Variants in RBM20 observed in about 807,000 individuals in gnomAD.
RBM20 encodes the protein RNA binding motif protein 20.
RBM20 carries 51 observed loss-of-function variants against 110.1 expected under a neutral mutation model. The ratio of observed to expected loss-of-function variants is 0.46; its 90% CI spans 0.37 to 0.59. The LOEUF (loss-of-function observed/expected upper bound fraction) is 0.59. Among genes scored for constraint, RBM20 ranks in the 20% least tolerant of loss-of-function variants. RBM20 has a pLI of 0.00. For synonymous variants in RBM20, 589 were observed against 618.2 expected, an observed-to-expected ratio of 0.95 and a Z score of 0.70; for missense variants, 1,512 against 1,574.9, an observed-to-expected ratio of 0.96 and a Z score of 0.68.
At position 110,823,628 on chromosome 10, in the gene RBM20, A is replaced by T; in HGVS notation, c.3451+14A>T. 1 of 1,550,962 alleles carries T rather than the reference A, an allele frequency of 6.4e-7. No individual in the cohort carries two copies. The highest frequency in any genetic ancestry group is 8.7e-7 in the Non-Finnish European group (1 of 1,146,710). ...GCATTCCTCTAGGTAAGCAAAACAC[A>T]CAGTCTTTCCTGAAATTCAGGTCTA... On this transcript the variant is annotated intron_variant, in intron 12 of 13. Coordinates refer to ENST00000369519, the MANE Select transcript of RBM20 (RefSeq NM_001134363.3).
chr10:110,821,622 C>G lies in RBM20; in HGVS notation c.3003C>G (p.Gly1001=), dbSNP rs1590701744. The change falls in exon 11 of 14, where the codon GGC becomes GGG. Residue 1001 remains glycine, a synonymous_variant. Coordinates refer to ENST00000369519, the MANE Select transcript of RBM20 (RefSeq NM_001134363.3). Reference sequence around the variant, plus strand: ...GTGACATGGACGTGGAAATGCCTGGCCTAAATCTGGATGCTGAGCGGAAGC... The same window carrying G: ...GTGACATGGACGTGGAAATGCCTGGGCTAAATCTGGATGCTGAGCGGAAGC... ...CPSDMDVEMP[G]LNLDAERKPA... is the part of the protein sequence containing the mutation. 4 of 1,551,664 alleles carry G rather than the reference C, an allele frequency of 2.6e-6. No individual in the cohort carries two copies. Among genetic ancestry groups the G allele is most frequent in the East Asian group, 2.4e-5 (1 of 40,916 alleles).
intron 5 of RBM20, among the ~76,000 whole-genome samples, chr10:110,785,492 G>C (rs1351779199): frequency 6.6e-6 from 1 of 151,990 alleles, no homozygotes; most frequent in Admixed American, 6.6e-5. Context: ...GGAGGCAAAG[G>C]TTGCAGTGAG....
chr10:110,665,235 T>A (rs1862159899), intron 1 of RBM20, among the ~76,000 whole-genome samples: 1 of 152,178 alleles, frequency 6.6e-6, no homozygotes, highest in Non-Finnish European at 1.5e-5. Context: ...TATTAGCATT[T>A]TGCAACCCCT....
intron 1 of RBM20, among the ~76,000 whole-genome samples, chr10:110,701,331 A>T (rs1862755145): frequency 6.6e-6 from 1 of 152,146 alleles, no homozygotes. Flanking sequence ...GCTTAACTGA[A>T]AATCTCCAAG....
At chr10:110,667,902 G>T (rs1357012883) in intron 1 of RBM20, among the ~76,000 whole-genome samples, 1 of 152,160 alleles carries the variant, frequency 6.6e-6, no homozygotes, top group East Asian at 1.9e-4. Context: ...GGGTGTGAGT[G>T]AGTGGTGCAG....
intron 1 of RBM20, among the ~76,000 whole-genome samples, chr10:110,714,666 G>A (rs906185254): frequency 1.3e-5 from 2 of 152,238 alleles, no homozygotes; most frequent in African/African-American, 4.8e-5. Flanking sequence ...CCCAACAGGA[G>A]TCACCAGTAG....
At chr10:110,796,513 G>T (rs925963867) in intron 5 of RBM20, among the ~76,000 whole-genome samples, 1 of 152,184 alleles carries the variant, frequency 6.6e-6, no homozygotes, top group South Asian at 2.1e-4. Context: ...TATCACCAAG[G>T]TGAGAGAATC....
Position 110,821,788 on chromosome 10 carries a change from C to T in RBM20, c.3169C>T (p.Arg1057Trp), listed in dbSNP as rs199830512. ...CCCTAAGCCAGCAGAGGAGAGGGCC[C>T]GGCAGCCAAGCCCATTTGTGGATGA... ...SSPKPAEERA[R>W]QPSPFVDDCK... is the part of the protein sequence containing the mutation. The change falls in exon 11 of 14, where the codon CGG (arginine) becomes TGG (tryptophan). Residue 1057 changes from arginine (R) to tryptophan (W), a missense_variant. Physicochemically the swap from Arg to Trp is moderately radical, Grantham distance 101 (BLOSUM62 -3). Coordinates refer to ENST00000369519, the MANE Select transcript of RBM20 (RefSeq NM_001134363.3). 41 of 1,551,600 alleles carry T rather than the reference C, an allele frequency of 2.6e-5. No homozygotes were observed. Among genetic ancestry groups the T allele is most frequent in the Admixed American group, 2.4e-4 (12 of 50,992 alleles).
intron 7 of RBM20, among the ~76,000 whole-genome samples, chr10:110,805,429 G>A (rs1188493969): frequency 6.6e-6 from 1 of 152,178 alleles, no homozygotes; most frequent in Admixed American, 6.5e-5. Flanking sequence ...CATCTAGAAG[G>A]TTTCAGTGTC....
At chr10:110,676,723 A>T (rs567980297) in intron 1 of RBM20, among the ~76,000 whole-genome samples, 1 of 152,270 alleles carries the variant, frequency 6.6e-6, no homozygotes, top group Admixed American at 6.5e-5. Flanking sequence ...GTTGTGACAA[A>T]CCTATTTGTT....
At position 110,821,276 on chromosome 10, in the gene RBM20, A is replaced by G. The variant is rs1208328652; in HGVS notation, c.2657A>G (p.Glu886Gly). ...CCTCCATTCTGCATTTTTGTACAGG[A>G]ACAAGATTGGGAGAGTGAAAGTGAG... ...SDPENTRTKK[E>G]QDWESESEAE... Residue 886 changes from glutamate (E) to glycine (G), a missense_variant and splice_region_variant, in exon 11 of 14, where the codon GAA (glutamate) becomes GGA (glycine). Coordinates refer to ENST00000369519, the MANE Select transcript of RBM20 (RefSeq NM_001134363.3). The G allele has an allele frequency of 6.5e-7, 1 of 1,549,808 alleles. No homozygotes were observed. Among genetic ancestry groups the G allele is most frequent in the Non-Finnish European group, 8.7e-7 (1 of 1,145,608 alleles).
intron 1 of RBM20, among the ~76,000 whole-genome samples, chr10:110,732,299 G>C: frequency 6.6e-6 from 1 of 152,080 alleles, no homozygotes; most frequent in East Asian, 1.9e-4. Flanking sequence ...CTGACGCGCT[G>C]TCAGTCATGG....
intron 1 of RBM20, among the ~76,000 whole-genome samples, chr10:110,659,063 G>C (rs568047353): frequency 7.6e-4 from 116 of 152,320 alleles, no homozygotes; most frequent in African/African-American, 2.7e-3. Flanking sequence ...GGCACATAGT[G>C]TGTTGAATAT....
intron 1 of RBM20, among the ~76,000 whole-genome samples, chr10:110,668,170 G>T (rs1340316070): frequency 1.3e-5 from 2 of 152,032 alleles, no homozygotes; most frequent in Admixed American, 6.6e-5. Flanking sequence ...TCTTTCTTTA[G>T]ATCCCCCTAA....
Position 110,812,467 on chromosome 10 carries a change from G to T in RBM20, c.2070G>T (p.Pro690=). ...CCAGGAGGGAGGAAGAGCGAGACCC[G>T]GCTCCCTGGAGGGACAACGGAGATG... ...PYARREEERD[P]APWRDNGDDK... is the part of the protein sequence containing the mutation. Residue 690 remains proline, a synonymous_variant, in exon 9 of 14, where the codon CCG becomes CCT. Transcript: ENST00000369519. 1.3e-6 allele frequency: 2 copies of T among 1,551,650 alleles called. No homozygotes were observed. The highest frequency in any genetic ancestry group is 2.4e-5 in the South Asian group (2 of 84,044).
intron 1 of RBM20, among the ~76,000 whole-genome samples, chr10:110,737,048 G>A (rs1048063838): frequency 2.0e-5 from 3 of 151,428 alleles, no homozygotes; most frequent in Admixed American, 6.6e-5. Flanking sequence ...ATGGTGTTGC[G>A]CGCCTGTAAT....
intron 9 of RBM20, among the ~76,000 whole-genome samples, chr10:110,818,619 C>T (rs1844872274): frequency 6.6e-6 from 1 of 152,362 alleles, no homozygotes; most frequent in East Asian, 1.9e-4. Context: ...GTTTCCTTTG[C>T]CTGCAGGGTG....
chr10:110,764,022 T>G (rs1305181013), intron 1 of RBM20, among the ~76,000 whole-genome samples: 1 of 152,138 alleles, frequency 6.6e-6, no homozygotes, highest in Admixed American at 6.5e-5. Flanking sequence ...CCCCAGCCAC[T>G]GCTTAGAGCA....
At position 110,781,130 on chromosome 10, in the gene RBM20, C is replaced by T; in HGVS notation, c.521C>T (p.Pro174Leu). The T allele has an allele frequency of 6.4e-7, 1 of 1,551,802 alleles. No homozygotes were observed. The highest frequency in any genetic ancestry group is 8.7e-7 in the Non-Finnish European group (1 of 1,147,032). Residue 174 changes from proline to leucine, a missense_variant, in exon 2 of 14, where the codon CCC becomes CTC. By Grantham distance (98) the Pro-to-Leu change is moderately conservative. Coordinates refer to ENST00000369519, the MANE Select transcript of RBM20 (RefSeq NM_001134363.3). ...FPSNAIAFSPPSQTRGPGPSM... is the reference protein window; with the variant it reads ...FPSNAIAFSPLSQTRGPGPSM... Reference sequence around the variant, plus strand: ...TCTAATGCAATTGCCTTTTCACCCCCCAGCCAGACACGAGGCCCCGGACCC... The same window carrying T: ...TCTAATGCAATTGCCTTTTCACCCCTCAGCCAGACACGAGGCCCCGGACCC...
Sources: allele counts gnomAD v4.1 joint callset (sites outside exome capture counted in the v4.1 genomes callset), GRCh38; gene constraint gnomAD v4.1.1; transcripts MANE v1.5; gene names NCBI Gene and HGNC (gene_info 2026-07-23, HGNC 2026-07-21).